The following CEP112 variants were observed in gnomAD, a reference collection of about 807,000 sequenced individuals.
The protein encoded by CEP112 is centrosomal protein of 112 kDa.
CEP112 carries 127 observed loss-of-function variants against 153.0 expected under a neutral mutation model. That is an observed-to-expected ratio of 0.83 (90% CI 0.72 to 0.96). The LOEUF (loss-of-function observed/expected upper bound fraction) is 0.96, where lower values mean the gene tolerates loss of function less well. Ranked by LOEUF, CEP112 falls within the 40% of genes least tolerant of loss-of-function variation. CEP112 has a pLI of 0.00. For synonymous variants in CEP112, 358 were observed against 374.4 expected (o/e 0.96, Z 0.51); for missense variants, 1,089 against 1,101.2 (o/e 0.99, Z 0.16).
At chr17:65,843,074 T>G (rs2057583661) in intron 21 of CEP112, among the ~76,000 whole-genome samples, 1 of 152,130 alleles carries the variant, frequency 6.6e-6, no homozygotes, top group Non-Finnish European at 1.5e-5. Context: ...AAGACAAGAT[T>G]ATAACCCCTG....
intron 24 of CEP112, among the ~76,000 whole-genome samples, chr17:65,669,903 G>GAA (rs11346097): frequency 5.5e-5 from 7 of 126,584 alleles, no homozygotes; most frequent in Non-Finnish European, 8.4e-5. Flanking sequence ...ACTTCGTCTT[G>GAA]AAAAAAAAAA....
chr17:65,802,707 T>C (rs1435459873), intron 21 of CEP112, among the ~76,000 whole-genome samples: 1 of 152,204 alleles, frequency 6.6e-6, no homozygotes, highest in Non-Finnish European at 1.5e-5. Flanking sequence ...ACTATAGGCA[T>C]CTTGTGAGCA....
chr17:65,665,766 C>T (rs527836207), intron 24 of CEP112, among the ~76,000 whole-genome samples: 1 of 152,290 alleles, frequency 6.6e-6, no homozygotes, highest in South Asian at 2.1e-4. Context: ...ATTGGTTAAG[C>T]CATTTGTTCT....
At chr17:66,074,222 C>T (rs1030736834) in intron 8 of CEP112, among the ~76,000 whole-genome samples, 8 of 151,868 alleles carry the variant, frequency 5.3e-5, no homozygotes, top group Non-Finnish European at 1.2e-4. Context: ...ACTAGATGAG[C>T]TTAATGGATT....
chr17:65,933,805 T>C (rs1599059591), intron 18 of CEP112, among the ~76,000 whole-genome samples: 1 of 152,232 alleles, frequency 6.6e-6, no homozygotes, highest in East Asian at 1.9e-4. Flanking sequence ...CAGAAGACTT[T>C]AGTGCTGTAA....
At chr17:66,084,453 C>T (rs561819221) in intron 8 of CEP112, among the ~76,000 whole-genome samples, 10 of 152,280 alleles carry the variant, frequency 6.6e-5, no homozygotes, top group African/African-American at 2.2e-4. Flanking sequence ...ATGTGGTACA[C>T]ATACACAATG....
At chr17:65,651,121 A>C (rs6504336) in intron 24 of CEP112, among the ~76,000 whole-genome samples, 84,158 of 151,852 alleles carry the variant, frequency 0.55, 24,633 homozygotes, top group African/African-American at 0.74. Flanking sequence ...CCCAAAGTCC[A>C]TTGTGTCATT....
chr17:65,937,298 C>T (rs2061345740), intron 18 of CEP112, among the ~76,000 whole-genome samples: 1 of 110,712 alleles, frequency 9.0e-6, no homozygotes, highest in Non-Finnish European at 1.9e-5. Flanking sequence ...TGAGGAGCAT[C>T]TCTGCCCGGC....
chr17:66,079,816 G>T (rs952341127), intron 8 of CEP112, among the ~76,000 whole-genome samples: 1 of 152,018 alleles, frequency 6.6e-6, no homozygotes, highest in Non-Finnish European at 1.5e-5. Context: ...CAGGTATATA[G>T]ATCAACGGAA....
chr17:65,783,830 T>C (rs1291508456), intron 21 of CEP112, among the ~76,000 whole-genome samples: 2 of 152,238 alleles, frequency 1.3e-5, no homozygotes, highest in African/African-American at 4.8e-5. Context: ...CACCATCTTT[T>C]TCATTACATA....
chr17:65,658,334 G>C (rs1445568749), intron 24 of CEP112, among the ~76,000 whole-genome samples: 7 of 152,242 alleles, frequency 4.6e-5, no homozygotes, highest in Admixed American at 1.3e-4. Context: ...CTGCTGGAGT[G>C]ATCTAGGAAA....
chr17:66,176,767 A>T, intron 3 of CEP112, 63 bp downstream of exon 3: 2 of 1,269,212 alleles, frequency 1.6e-6, no homozygotes, highest in Non-Finnish European at 2.2e-6. Flanking sequence ...CCCCAAAGGG[A>T]TGATAACTTG....
intron 23 of CEP112, among the ~76,000 whole-genome samples, chr17:65,724,606 T>G (rs2050074213): frequency 6.6e-6 from 1 of 152,224 alleles, no homozygotes; most frequent in Non-Finnish European, 1.5e-5. Context: ...ATTCATTCTT[T>G]TTCTAGAAAT....
In CEP112 at chr17:65,918,548, G is replaced by A. The variant is rs75548264; in HGVS notation, c.1980+9034C>T. On this transcript the variant is annotated intron_variant, in intron 19 of 26. Coordinates refer to ENST00000535342, the MANE Select transcript of CEP112 (RefSeq NM_001199165.4). ...TGCTGAACTACATTTCTCCTTCAAG[G>A]CTTTGTAGTGGAAAGCAAAGATATA... 2.6e-5 allele frequency among the ~76,000 whole-genome samples: 4 copies of A among 152,206 alleles called. No homozygotes were observed. The East Asian group carries it at 7.7e-4, about 29-fold the overall frequency.
At chr17:65,950,275 T>C (rs1230338522) in intron 18 of CEP112, among the ~76,000 whole-genome samples, 1 of 152,168 alleles carries the variant, frequency 6.6e-6, no homozygotes, top group Non-Finnish European at 1.5e-5. Flanking sequence ...AAAATTACAT[T>C]GGAATTTTGA....
intron 20 of CEP112, among the ~76,000 whole-genome samples, chr17:65,852,527 C>A (rs906101599): frequency 1.5e-5 from 2 of 137,752 alleles, no homozygotes; most frequent in African/African-American, 5.5e-5. Context: ...TCCTTCATTC[C>A]ATATTCCCAT....
chr17:65,682,565 T>C (rs1198233112), intron 24 of CEP112, among the ~76,000 whole-genome samples: 1 of 152,182 alleles, frequency 6.6e-6, no homozygotes, highest in African/African-American at 2.4e-5. Context: ...CTGCTCAGCA[T>C]TCCATCCAGA....
At chr17:65,841,557 G>A (rs983829135) in intron 21 of CEP112, among the ~76,000 whole-genome samples, 1 of 152,022 alleles carries the variant, frequency 6.6e-6, no homozygotes, top group African/African-American at 2.4e-5. Flanking sequence ...ACAGTTAAAC[G>A]TAAGGAAGAA....
At chr17:65,654,829 A>C (rs559597191) in intron 24 of CEP112, 8 of 408,332 alleles carry the variant, frequency 2.0e-5, no homozygotes, top group Non-Finnish European at 3.7e-5. Context: ...AACTGTCTGA[A>C]TTTGTTCATG....
Sources: gnomAD v4.1 joint callset for allele counts (sites outside exome capture counted in the v4.1 genomes callset) on GRCh38, gnomAD v4.1.1 for gene constraint, MANE v1.5 for transcripts, NCBI Gene and HGNC (gene_info 2026-07-23, HGNC 2026-07-21) for gene names.